ATRNL1: variants seen among roughly 807,000 people sequenced by gnomAD.
ATRNL1 encodes the protein attractin-like protein 1.
Under a neutral mutation model 182.7 loss-of-function variants are expected in ATRNL1, and 95 were observed. That is an observed-to-expected ratio of 0.52 (90% CI 0.44 to 0.62). The LOEUF (loss-of-function observed/expected upper bound fraction) is 0.62. ATRNL1 is among the 20% of genes least tolerant of loss of function. The pLI is 0.00. For missense variants in ATRNL1, 1,471 were observed against 1,679.5 expected, an observed-to-expected ratio of 0.88 and a Z score of 2.17; for synonymous variants, 576 against 568.3, an observed-to-expected ratio of 1.01 and a Z score of -0.19.
At chr10:115,528,065 CCTTCCTTT>C (rs144179474) in intron 25 of ATRNL1, among the ~76,000 whole-genome samples, 77,102 of 130,500 alleles carry the variant, frequency 0.59, 24,931 homozygotes, top group Middle Eastern at 0.72. Flanking sequence ...TTCCTTCCTT[CCTTCCTTT>C]CCCTTCTCAT....
chr10:115,544,333 T>C (rs1457657471), intron 25 of ATRNL1, among the ~76,000 whole-genome samples: 2 of 152,200 alleles, frequency 1.3e-5, no homozygotes, highest in African/African-American at 2.4e-5. Context: ...AGTAGGCTGT[T>C]CTTGCAATGC....
In ATRNL1 at chr10:115,125,754, G is replaced by A. The variant is rs568123655; in HGVS notation, c.492-1839G>A. Reference sequence around the variant, plus strand: ...CCAACCATTGGAGTCCCAGTTCAACGTGAAGGCCTTGTGTTTCACTTTTTC... The same window carrying A: ...CCAACCATTGGAGTCCCAGTTCAACATGAAGGCCTTGTGTTTCACTTTTTC... On this transcript the variant is annotated intron_variant, in intron 3 of 28. Transcript: ENST00000355044. Among the ~76,000 whole-genome samples the A allele has an allele frequency of 2.4e-4, 36 of 152,240 alleles. 1 individual carries two copies. The South Asian group carries it at 4.6e-3, about 19-fold the overall frequency.
At chr10:115,399,128 C>A (rs759624300) in intron 20 of ATRNL1, among the ~76,000 whole-genome samples, 14 of 152,094 alleles carry the variant, frequency 9.2e-5, no homozygotes, top group Non-Finnish European at 1.6e-4. Context: ...AGGATTTTTG[C>A]ATCAATGTTC....
chr10:115,104,909 T>G lies in ATRNL1; in HGVS notation c.293+10866T>G, dbSNP rs544036984. ...CTGTAATTGCTCTATGTGTCCTTTT[T>G]TTTTCTCTTTTTTTAATGCCAGTAC... On this transcript the variant is annotated intron_variant, in intron 1 of 28. Transcript: ENST00000355044. 3.7e-3 allele frequency among the ~76,000 whole-genome samples: 484 copies of G among 130,126 alleles called. 1 individual carries two copies. Among genetic ancestry groups the G allele is most frequent in the South Asian group, 0.025 (102 of 4,100 alleles). 85.4% of individuals were successfully genotyped at this position (130,126 alleles called of 152,430 possible). A position where few individuals can be genotyped will look rare whatever the true frequency, so the allele number is the denominator to read the frequency against.
At chr10:115,367,936 G>T (rs1857148874) in intron 19 of ATRNL1, among the ~76,000 whole-genome samples, 2 of 151,044 alleles carry the variant, frequency 1.3e-5, no homozygotes, top group Admixed American at 1.3e-4. Flanking sequence ...TGTCAGACAG[G>T]GACATTTAAG....
intron 8 of ATRNL1, among the ~76,000 whole-genome samples, chr10:115,197,676 T>C (rs1188857543): frequency 6.6e-6 from 1 of 152,100 alleles, no homozygotes; most frequent in Non-Finnish European, 1.5e-5. Context: ...GCCAGTGCAG[T>C]CGGCCTGGGG....
intron 26 of ATRNL1, among the ~76,000 whole-genome samples, chr10:115,586,616 A>T (rs1555009998): frequency 9.0e-6 from 1 of 110,870 alleles, no homozygotes; most frequent in Non-Finnish European, 2.0e-5. Flanking sequence ...AGCTCCTTTA[A>T]GCACTTCTCT....
intron 28 of ATRNL1, among the ~76,000 whole-genome samples, chr10:115,922,006 A>G (rs1462018340): frequency 6.6e-6 from 1 of 152,154 alleles, no homozygotes; most frequent in African/African-American, 2.4e-5. Context: ...CTCCAGTTGT[A>G]GGGTGAAGGA....
At chr10:115,169,615 A>G (rs527301271) in intron 7 of ATRNL1, among the ~76,000 whole-genome samples, 8 of 152,210 alleles carry the variant, frequency 5.3e-5, no homozygotes, top group African/African-American at 1.4e-4. Flanking sequence ...GCAATTTCAT[A>G]TGAATTTTGG....
intron 20 of ATRNL1, among the ~76,000 whole-genome samples, chr10:115,422,493 C>T (rs1845693367): frequency 1.3e-5 from 2 of 152,124 alleles, no homozygotes; most frequent in African/African-American, 2.4e-5. Flanking sequence ...AATATGATAC[C>T]GTCTCACACC....
At chr10:115,781,913 G>A (rs1049817227) in intron 27 of ATRNL1, among the ~76,000 whole-genome samples, 4 of 152,112 alleles carry the variant, frequency 2.6e-5, no homozygotes, top group Non-Finnish European at 5.9e-5. Flanking sequence ...CTGTTATATA[G>A]TAGCAACTCT....
chr10:115,625,274 G>A (rs936430144), intron 26 of ATRNL1, among the ~76,000 whole-genome samples: 4 of 152,242 alleles, frequency 2.6e-5, no homozygotes, highest in African/African-American at 9.6e-5. Context: ...GTTCGAAATT[G>A]TATGGATGAA....
intron 27 of ATRNL1, among the ~76,000 whole-genome samples, chr10:115,810,836 A>G (rs1253041166): frequency 6.6e-6 from 1 of 151,612 alleles, no homozygotes. Context: ...GTCTGTAGGA[A>G]CTATAGTGAT....
chr10:115,320,897 AG>A (rs1328485220), intron 18 of ATRNL1, among the ~76,000 whole-genome samples: 7 of 152,044 alleles, frequency 4.6e-5, no homozygotes, highest in Non-Finnish European at 7.4e-5. Context: ...TCGTCTGTCC[AG>A]TTCTGCGCCC....
At chr10:115,822,469 CA>C (rs1198750535) in intron 27 of ATRNL1, among the ~76,000 whole-genome samples, 6 of 151,978 alleles carry the variant, frequency 3.9e-5, no homozygotes, top group African/African-American at 1.2e-4. Context: ...AAAAACCCTT[CA>C]AAAAAATCAG....
intron 1 of ATRNL1, among the ~76,000 whole-genome samples, chr10:115,104,527 G>A (rs1464028500): frequency 6.6e-6 from 1 of 151,886 alleles, no homozygotes; most frequent in Admixed American, 6.6e-5. Flanking sequence ...TTCCTTTGCT[G>A]TGCAGAAACT....
chr10:115,633,814 A>C (rs564604185), intron 26 of ATRNL1, among the ~76,000 whole-genome samples: 3 of 152,282 alleles, frequency 2.0e-5, no homozygotes, highest in African/African-American at 7.2e-5. Context: ...TTGATATCCT[A>C]AAGTATTTGA....
chr10:115,830,478 T>C (rs1555093293), intron 27 of ATRNL1, among the ~76,000 whole-genome samples: 1 of 152,142 alleles, frequency 6.6e-6, no homozygotes, highest in African/African-American at 2.4e-5. Context: ...ACCAAGACTT[T>C]GTAGCAATAA....
At chr10:115,780,449 G>C (rs1339548164) in intron 27 of ATRNL1, among the ~76,000 whole-genome samples, 2 of 152,138 alleles carry the variant, frequency 1.3e-5, no homozygotes, top group African/African-American at 4.8e-5. Context: ...TTGGTAGGGG[G>C]CACAGGACCT....
Sources: allele counts gnomAD v4.1 joint callset (sites outside exome capture counted in the v4.1 genomes callset), GRCh38; gene constraint gnomAD v4.1.1; transcripts MANE v1.5; gene names NCBI Gene and HGNC (gene_info 2026-07-23, HGNC 2026-07-21).